Variants in VPS13B observed in about 807,000 individuals in gnomAD.
VPS13B encodes vacuolar protein sorting 13 homolog B, also known as intermembrane lipid transfer protein VPS13B.
A neutral mutation model predicts 426.4 loss-of-function variants in VPS13B; 285 were observed. The ratio of observed to expected loss-of-function variants is 0.67; its 90% CI spans 0.61 to 0.74. The LOEUF (loss-of-function observed/expected upper bound fraction) is 0.74, where lower values mean the gene tolerates loss of function less well. Ranked by LOEUF, VPS13B falls within the 30% of genes least tolerant of loss-of-function variation. The pLI is 0.00. For synonymous variants in VPS13B, 1,676 were observed against 1,676.4 expected, an observed-to-expected ratio of 1.00 and a Z score of 0.01; for missense variants, 4,537 against 4,782.6, an observed-to-expected ratio of 0.95 and a Z score of 1.51.
intron 21 of VPS13B, among the ~76,000 whole-genome samples, chr8:99,426,038 T>C (rs1364622108): frequency 6.7e-6 from 1 of 149,078 alleles, no homozygotes; most frequent in Non-Finnish European, 1.5e-5. Context: ...ATTAGGTATA[T>C]CTACCAATGC....
At chr8:99,402,430 G>A (rs561294803) in intron 21 of VPS13B, among the ~76,000 whole-genome samples, 12 of 152,178 alleles carry the variant, frequency 7.9e-5, no homozygotes, top group African/African-American at 1.4e-4. Context: ...GTTTCTGGTC[G>A]GGACTGGAAC....
chr8:99,762,027 T>G (rs983135942), intron 39 of VPS13B, among the ~76,000 whole-genome samples: 9 of 146,584 alleles, frequency 6.1e-5, no homozygotes, highest in Non-Finnish European at 9.0e-5. Context: ...TTGCTTGTGG[T>G]TTTTTTTTTA....
chr8:99,762,546 T>A (rs1810983949), intron 39 of VPS13B, among the ~76,000 whole-genome samples: 1 of 152,176 alleles, frequency 6.6e-6, no homozygotes. Context: ...GAACTGTGGG[T>A]ACAGTGTTCC....
chr8:99,441,880 T>C (rs147428230), intron 22 of VPS13B, among the ~76,000 whole-genome samples: 5 of 152,324 alleles, frequency 3.3e-5, no homozygotes, highest in Admixed American at 2.0e-4. Context: ...AATCATTGTA[T>C]ATAAAAGTGA....
intron 54 of VPS13B, among the ~76,000 whole-genome samples, chr8:99,841,853 C>G (rs1049628432): frequency 6.6e-6 from 1 of 152,164 alleles, no homozygotes; most frequent in South Asian, 2.1e-4. Flanking sequence ...ATAGGTCTCT[C>G]CATTGTCAGC....
At chr8:99,425,104 A>C (rs1816617518) in intron 21 of VPS13B, among the ~76,000 whole-genome samples, 1 of 152,222 alleles carries the variant, frequency 6.6e-6, no homozygotes, top group African/African-American at 2.4e-5. Context: ...GTCCAGGACC[A>C]GGTGGATTCA....
At chr8:99,747,074 C>G (rs1009489698) in intron 39 of VPS13B, among the ~76,000 whole-genome samples, 4 of 152,040 alleles carry the variant, frequency 2.6e-5, no homozygotes, top group Non-Finnish European at 4.4e-5. Flanking sequence ...TTGTTCAGAG[C>G]AGCAAGCTGA....
chr8:99,359,050 A>T (rs1309598171), intron 19 of VPS13B, among the ~76,000 whole-genome samples: 1 of 152,170 alleles, frequency 6.6e-6, no homozygotes, highest in Non-Finnish European at 1.5e-5. Context: ...TTTTTCTCTA[A>T]ATTACATTAT....
chr8:99,369,433 T>C (rs1421272781), intron 19 of VPS13B, among the ~76,000 whole-genome samples: 2 of 152,180 alleles, frequency 1.3e-5, no homozygotes, highest in Non-Finnish European at 2.9e-5. Context: ...AACACCTTGA[T>C]TGATAATCCC....
intron 43 of VPS13B, among the ~76,000 whole-genome samples, chr8:99,791,215 C>T (rs1389547247): frequency 6.6e-6 from 1 of 152,124 alleles, no homozygotes; most frequent in Non-Finnish European, 1.5e-5. Flanking sequence ...TCCACTGGCT[C>T]TTAGAGTGGT....
At chr8:99,746,537 A>G (rs1265943994) in intron 39 of VPS13B, among the ~76,000 whole-genome samples, 7 of 152,198 alleles carry the variant, frequency 4.6e-5, no homozygotes, top group Non-Finnish European at 8.8e-5. Flanking sequence ...TCTGCTTAAC[A>G]GTTTACCTAC....
At chr8:99,170,772 A>G (rs1226265757) in intron 16 of VPS13B, among the ~76,000 whole-genome samples, 1 of 151,634 alleles carries the variant, frequency 6.6e-6, no homozygotes, top group African/African-American at 2.4e-5. Context: ...AATGCTTTTA[A>G]TATATTGTTT....
Position 99,498,533 on chromosome 8 carries a change from TA to T in VPS13B, c.3871-3146del, listed in dbSNP as rs534774382. Reference sequence around the variant, plus strand: ...TACCCTAGAACTTAAAGTATAATAATAAAAAAAACAATAAAAAAGAAAATAA... The same window carrying T: ...TACCCTAGAACTTAAAGTATAATAATAAAAAAACAATAAAAAAGAAAATAA... On this transcript the variant is annotated intron_variant, in intron 25 of 61. Transcript: ENST00000357162. 4.1e-3 allele frequency among the ~76,000 whole-genome samples: 611 copies of T among 148,196 alleles called. 2 individuals are homozygous for T. The highest frequency in any genetic ancestry group is 0.014 in the African/African-American group (580 of 40,326).
At chr8:99,441,255 T>C (rs1194389414) in intron 22 of VPS13B, among the ~76,000 whole-genome samples, 2 of 152,136 alleles carry the variant, frequency 1.3e-5, no homozygotes, top group Non-Finnish European at 2.9e-5. Context: ...TGTTTATTTA[T>C]AGGTTGACAA....
intron 55 of VPS13B, among the ~76,000 whole-genome samples, chr8:99,852,153 G>A (rs1588784247): frequency 6.6e-6 from 1 of 152,190 alleles, no homozygotes; most frequent in Admixed American, 6.5e-5. Flanking sequence ...GTAGGATATG[G>A]CTGCCATTAA....
At chr8:99,510,374 T>G (rs1029139255) in intron 28 of VPS13B, among the ~76,000 whole-genome samples, 2 of 152,228 alleles carry the variant, frequency 1.3e-5, no homozygotes, top group Admixed American at 6.5e-5. Flanking sequence ...ATATGTAATG[T>G]GGTTATTTCA....
chr8:99,468,998 C>T (rs1377995439), intron 24 of VPS13B, among the ~76,000 whole-genome samples: 1 of 151,822 alleles, frequency 6.6e-6, no homozygotes, highest in African/African-American at 2.4e-5. Flanking sequence ...TTTGATTTAA[C>T]TTTTATATTT....
chr8:99,782,245 A>T (rs1812058255), intron 42 of VPS13B, among the ~76,000 whole-genome samples: 1 of 152,164 alleles, frequency 6.6e-6, no homozygotes, highest in Non-Finnish European at 1.5e-5. Context: ...TTTACAAATT[A>T]AATCTACCAA....
chr8:99,407,306 C>A (rs1366726942), intron 21 of VPS13B, among the ~76,000 whole-genome samples: 1 of 152,024 alleles, frequency 6.6e-6, no homozygotes, highest in Non-Finnish European at 1.5e-5. Context: ...ATGTTTATTT[C>A]TTTTGAGAGA....
Sources: allele counts gnomAD v4.1 joint callset (sites outside exome capture counted in the v4.1 genomes callset), GRCh38; gene constraint gnomAD v4.1.1; transcripts MANE v1.5; gene names NCBI Gene and HGNC (gene_info 2026-07-23, HGNC 2026-07-21).